The following PHACTR2 variants were observed in gnomAD, a reference collection of about 807,000 sequenced individuals.
PHACTR2 encodes the protein phosphatase and actin regulator 2.
PHACTR2 carries 30 observed loss-of-function variants against 76.0 expected under a neutral mutation model. That is an observed-to-expected ratio of 0.39 (90% CI 0.30 to 0.54). PHACTR2 has a LOEUF of 0.54. Among genes scored for constraint, PHACTR2 ranks in the 20% least tolerant of loss-of-function variants. PHACTR2 has a pLI of 0.61. For missense variants in PHACTR2, 696 were observed against 781.1 expected (o/e 0.89, Z 1.30); for synonymous variants, 292 against 292.5 (o/e 1.00, Z 0.02).
At position 143,583,065 on chromosome 6, in the gene PHACTR2, T is replaced by C. The variant is rs539630713; in HGVS notation, c.217+45858T>C. 3.3e-5 allele frequency among the ~76,000 whole-genome samples: 5 copies of C among 152,380 alleles called. No individual in the cohort carries two copies. Among genetic ancestry groups the C allele is most frequent in the African/African-American group, 9.6e-5 (4 of 41,598 alleles). On this transcript the variant is annotated intron_variant, in intron 1 of 11. Coordinates refer to the PHACTR2 transcript ENST00000367584. This position sits in a 1 kb window ranked among gnomAD's most constrained non-coding sequence, Gnocchi z 4.0. ...ATAATGAGTCTTTCTATTTTGGATA[T>C]GAAGACTTCTCAGAGAATTTAGAAT... is the stretch of plus-strand genomic sequence containing the variant.
In PHACTR2 at chr6:143,611,635, C is replaced by T. The variant is rs1388176017; in HGVS notation, c.13+3313C>T. Among the ~76,000 whole-genome samples the T allele has an allele frequency of 6.6e-6, 1 of 152,160 alleles. No individual in the cohort carries two copies. Among genetic ancestry groups the T allele is most frequent in the Non-Finnish European group, 1.5e-5 (1 of 68,034 alleles). On this transcript the variant is annotated intron_variant, in intron 1 of 11. Coordinates refer to the PHACTR2 transcript ENST00000305766. This position sits in a 1 kb window ranked among gnomAD's most constrained non-coding sequence, Gnocchi z 4.4. ...TCCTGTAAAGCTTTTGGTACAATGG[C>T]TGGCATATGGCAGCATACAATGCAT...
intron 12 of PHACTR2, among the ~76,000 whole-genome samples, chr6:143,813,456 A>G (rs1017439504): frequency 2.0e-5 from 3 of 152,066 alleles, no homozygotes; most frequent in Admixed American, 6.5e-5. Flanking sequence ...CATCTCTACT[A>G]AAAATACAAA....
At position 143,712,027 on chromosome 6, in the gene PHACTR2, G is replaced by T. The variant is rs768624530; in HGVS notation, c.58G>T (p.Asp20Tyr). The change falls in exon 2 of 13, where the codon GAC becomes TAC. Residue 20 changes from aspartate to tyrosine, a missense_variant. Physicochemically the swap from Asp to Tyr is radical, Grantham distance 160. This residue lies in a region of PHACTR2 where 460 missense variants were observed against 450.9 expected (regional missense o/e 1.02). Coordinates refer to ENST00000440869, the MANE Select transcript of PHACTR2 (RefSeq NM_001100164.2). ...CTTTCTTTATACAGTTGACGGACTG[G>T]ACAAAGCTTCTATAGCAAACTCAGA... ...SPQPGSVDGL[D>Y]KASIANSDGP... 1 of 1,591,364 alleles carries T rather than the reference G, an allele frequency of 6.3e-7. No individual in the cohort carries two copies. The highest frequency in any genetic ancestry group is 8.5e-7 in the Non-Finnish European group (1 of 1,170,564).
intron 1 of PHACTR2, among the ~76,000 whole-genome samples, chr6:143,567,375 T>C (rs1340602303): frequency 1.3e-5 from 2 of 152,110 alleles, no homozygotes; most frequent in Non-Finnish European, 1.5e-5. Context: ...TTATTATTTA[T>C]TGACTTTTAT....
chr6:143,778,755 A>G (rs1207860484), intron 9 of PHACTR2, among the ~76,000 whole-genome samples: 1 of 152,172 alleles, frequency 6.6e-6, no homozygotes, highest in African/African-American at 2.4e-5. Context: ...AAACACAGAG[A>G]TTATGTCTTA....
rs1025476919 is a variant in PHACTR2, at chr6:143,755,213, T to C, written c.454+1301T>C. On this transcript the variant is annotated intron_variant, in intron 4 of 12. Coordinates refer to ENST00000440869, the MANE Select transcript of PHACTR2 (RefSeq NM_001100164.2). This position sits in a 1 kb window ranked among gnomAD's most constrained non-coding sequence, Gnocchi z 5.2. ...ATATTCCTGGAACATAAAAAGAAAGTAGACTTAAATAAATTTTAGTGGGAT... is the reference window on the plus strand; with the variant it reads ...ATATTCCTGGAACATAAAAAGAAAGCAGACTTAAATAAATTTTAGTGGGAT... 1 of 450,838 alleles carries C rather than the reference T, an allele frequency of 2.2e-6. No individual in the cohort carries two copies. The highest frequency in any genetic ancestry group is 4.5e-6 in the Non-Finnish European group (1 of 223,498). The allele number at this position is 450,838 out of a possible 1,614,324, so 27.9% of individuals were successfully genotyped here.
intron 2 of PHACTR2, among the ~76,000 whole-genome samples, chr6:143,737,616 A>T (rs1778850068): frequency 6.6e-6 from 1 of 152,206 alleles, no homozygotes; most frequent in African/African-American, 2.4e-5. Context: ...TGAAAAGAGC[A>T]TAATGTCTAA....
intron 1 of PHACTR2, among the ~76,000 whole-genome samples, chr6:143,636,705 T>C (rs1444786353): frequency 1.3e-5 from 2 of 152,226 alleles, no homozygotes; most frequent in East Asian, 3.8e-4. Context: ...TTTAACAGGA[T>C]AGATTTTGCC....
intron 1 of PHACTR2, among the ~76,000 whole-genome samples, chr6:143,545,755 A>G (rs975120966): frequency 1.3e-5 from 2 of 152,166 alleles, no homozygotes; most frequent in African/African-American, 4.8e-5. Context: ...ATCTCCACCA[A>G]CAGAGGGAAA....
At chr6:143,574,864 G>A (rs1053886419) in intron 1 of PHACTR2, among the ~76,000 whole-genome samples, 2 of 152,016 alleles carry the variant, frequency 1.3e-5, no homozygotes, top group East Asian at 1.9e-4. Flanking sequence ...TAAAGGCGTG[G>A]TGTAAAACAG....
Position 143,546,989 on chromosome 6 carries a change from A to C in PHACTR2, c.217+9782A>C, listed in dbSNP as rs973402583. On this transcript the variant is annotated intron_variant, in intron 1 of 11. Coordinates refer to the PHACTR2 transcript ENST00000367584. The surrounding 1 kb of genome is among the most constrained non-coding windows in gnomAD (Gnocchi z 4.9). ...CAGTTCGATGCTGCAGTGAGCTGTG[A>C]TTGTGGCACTGCACTCCAGCCTGGG... is the stretch of plus-strand genomic sequence containing the variant. Among the ~76,000 whole-genome samples the C allele has an allele frequency of 6.6e-6, 1 of 152,088 alleles. No individual in the cohort carries two copies. Among genetic ancestry groups the C allele is most frequent in the African/African-American group, 2.4e-5 (1 of 41,406 alleles).
rs559552308 is a variant in PHACTR2 at position 143,621,141 on chromosome 6, G to A, written c.13+12819G>A. ...GCATTTTCACACAGAGACTGAGCTT[G>A]GAAATCCAGTTTCAGAGAAGGGATT... On this transcript the variant is annotated intron_variant, in intron 1 of 11. Coordinates refer to the PHACTR2 transcript ENST00000305766. The surrounding 1 kb of genome is among the most constrained non-coding windows in gnomAD (Gnocchi z 4.1). Among the ~76,000 whole-genome samples, 1 of 152,310 alleles carries A rather than the reference G, an allele frequency of 6.6e-6. No individual in the cohort carries two copies. The highest frequency in any genetic ancestry group is 2.1e-4 in the South Asian group (1 of 4,824).
Position 143,642,902 on chromosome 6 carries a change from C to T in PHACTR2, c.13+34580C>T, listed in dbSNP as rs150076397. ...AGACAATACATTTATGTTCTTTAAG[C>T]CACCCAGTTTATGGTACTTTGTTAC... On this transcript the variant is annotated intron_variant, in intron 1 of 11. Transcript: ENST00000305766. 7.4e-3 allele frequency among the ~76,000 whole-genome samples: 1,129 copies of T among 152,246 alleles called. 15 individuals carry two copies. The highest frequency in any genetic ancestry group is 0.024 in the African/African-American group (1,005 of 41,546).
chr6:143,767,776 A>G lies in PHACTR2; in HGVS notation c.1232+1978A>G, dbSNP rs998101129. On this transcript the variant is annotated intron_variant, in intron 6 of 12. Coordinates refer to ENST00000440869, the MANE Select transcript of PHACTR2 (RefSeq NM_001100164.2). The surrounding 1 kb of genome is among the most constrained non-coding windows in gnomAD (Gnocchi z 4.4). ...CACGAGGGCAGAGCCTTCATGACTTAAACACCTCCCACTAGGCCCTACCTC... is the reference window on the plus strand; with the variant it reads ...CACGAGGGCAGAGCCTTCATGACTTGAACACCTCCCACTAGGCCCTACCTC... Among the ~76,000 whole-genome samples, 7 of 152,158 alleles carry G rather than the reference A, an allele frequency of 4.6e-5. No individual in the cohort carries two copies. The highest frequency in any genetic ancestry group is 1.3e-4 in the Admixed American group (2 of 15,272).
rs1410640900 is a variant in PHACTR2 at position 143,624,387 on chromosome 6, G to A, written c.13+16065G>A. Among the ~76,000 whole-genome samples the A allele has an allele frequency of 3.3e-5, 5 of 152,108 alleles. No individual in the cohort carries two copies. The highest frequency in any genetic ancestry group is 6.6e-5 in the Admixed American group (1 of 15,260). ...CTCCTAAAGTGCTAGGATTACAGGC[G>A]TGAGCCACCGTGCCTGGCCAAAATC... On this transcript the variant is annotated intron_variant, in intron 1 of 11. Coordinates refer to the PHACTR2 transcript ENST00000305766. This position sits in a 1 kb window ranked among gnomAD's most constrained non-coding sequence, Gnocchi z 4.6.
Position 143,625,380 on chromosome 6 carries a change from TAA to T in PHACTR2, c.13+17059_13+17060del, listed in dbSNP as rs1207955114. The stretch of plus-strand genomic sequence containing the variant: ...ACAGTTTATTCAAAAAATAAATATT[TAA>T]GTTATAAATTTATTAGTTATTTATA... On this transcript the variant is annotated intron_variant, in intron 1 of 11. Transcript: ENST00000305766. The surrounding 1 kb of genome is among the most constrained non-coding windows in gnomAD (Gnocchi z 4.3). 3.3e-5 allele frequency among the ~76,000 whole-genome samples: 5 copies of T among 152,156 alleles called. No individual in the cohort carries two copies. The highest frequency in any genetic ancestry group is 7.3e-5 in the Non-Finnish European group (5 of 68,032).
intron 1 of PHACTR2, among the ~76,000 whole-genome samples, chr6:143,614,174 A>C (rs950219773): frequency 1.3e-5 from 2 of 152,210 alleles, no homozygotes; most frequent in Non-Finnish European, 2.9e-5. Context: ...GTGAGCCGAG[A>C]CCACGCCATT....
rs528334779 is a variant in PHACTR2, at chr6:143,739,941, C to T, written c.215-9044C>T. 1.4e-4 allele frequency among the ~76,000 whole-genome samples: 22 copies of T among 152,288 alleles called. No homozygotes were observed. The South Asian group carries it at 4.6e-3, about 32-fold the overall frequency. On this transcript the variant is annotated intron_variant, in intron 2 of 12. Coordinates refer to ENST00000440869, the MANE Select transcript of PHACTR2 (RefSeq NM_001100164.2). The surrounding 1 kb of genome is among the most constrained non-coding windows in gnomAD (Gnocchi z 4.3). ...TACAGGAACTGGGTCCTGCTCAAGA[C>T]CCCAAGAGAGGGTTCTTGGATCTCG...
rs1776674085 is a variant in PHACTR2, at chr6:143,647,183, A to G, written c.13+38861A>G. On this transcript the variant is annotated intron_variant, in intron 1 of 11. Transcript: ENST00000305766. The surrounding 1 kb of genome is among the most constrained non-coding windows in gnomAD (Gnocchi z 4.2). ...ATTACAACTTATTGCAAAGGTACTA[A>G]GTATTATCTATTATAATATGTGTTT... 1.3e-5 allele frequency among the ~76,000 whole-genome samples: 2 copies of G among 152,228 alleles called. No individual in the cohort carries two copies. The highest frequency in any genetic ancestry group is 2.9e-5 in the Non-Finnish European group (2 of 68,030).
Sources: allele counts gnomAD v4.1 joint callset (sites outside exome capture counted in the v4.1 genomes callset), GRCh38; gene constraint gnomAD v4.1.1; regional missense constraint gnomAD v4.1.1; non-coding constraint Gnocchi (gnomAD v3.1); transcripts MANE v1.5; gene names NCBI Gene and HGNC (gene_info 2026-07-23, HGNC 2026-07-21).